Variants in IRAG1 observed in about 807,000 individuals in gnomAD.
The protein encoded by IRAG1 is IP3R-associated cGMP kinase substrate.
A neutral mutation model predicts 106.2 loss-of-function variants in IRAG1; 62 were observed. The ratio of observed to expected loss-of-function variants is 0.58; its 90% CI spans 0.48 to 0.72. The LOEUF is 0.72. IRAG1 is among the 30% of genes least tolerant of loss of function. The pLI, the probability that IRAG1 is intolerant of heterozygous loss-of-function variation, is 0.00. For missense variants in IRAG1, 1,064 were observed against 1,140.7 expected (o/e 0.93, Z 0.97); for synonymous variants, 462 against 443.9 (o/e 1.04, Z -0.51).
intron 14 of IRAG1, among the ~76,000 whole-genome samples, chr11:10,601,428 A>G (rs1278072927): frequency 6.6e-6 from 1 of 152,204 alleles, no homozygotes; most frequent in East Asian, 1.9e-4. Flanking sequence ...AGGGAACTCC[A>G]AGAGGAGTCT....
chr11:10,594,226 C>A (rs1372515504), intron 15 of IRAG1, 31 bp from the exon 16 acceptor site: 1 of 1,597,938 alleles, frequency 6.3e-7, no homozygotes, highest in Non-Finnish European at 8.5e-7. Flanking sequence ...GAAGAGAACA[C>A]AGGTAAGTTT....
At chr11:10,661,396 C>T (rs541379790) in intron 1 of IRAG1, among the ~76,000 whole-genome samples, 3 of 152,290 alleles carry the variant, frequency 2.0e-5, no homozygotes, top group South Asian at 2.1e-4. Flanking sequence ...TTTCCTACTG[C>T]GTCTGTACCA....
chr11:10,680,726 C>T (rs1195550743), intron 1 of IRAG1, among the ~76,000 whole-genome samples: 1 of 152,132 alleles, frequency 6.6e-6, no homozygotes, highest in East Asian at 1.9e-4. Context: ...TTTCATCTTT[C>T]TATGCCTCAG....
chr11:10,650,380 A>C (rs1858375232), intron 2 of IRAG1, among the ~76,000 whole-genome samples: 1 of 152,166 alleles, frequency 6.6e-6, no homozygotes, highest in Non-Finnish European at 1.5e-5. Context: ...ATCTTTGCTG[A>C]TCTTTTATTA....
At chr11:10,622,875 G>GAA (rs1855938907) in intron 10 of IRAG1, among the ~76,000 whole-genome samples, 1 of 42,020 alleles carries the variant, frequency 2.4e-5, no homozygotes, top group Non-Finnish European at 4.9e-5. Context: ...TGTAAGCAGT[G>GAA]GACACACACA....
chr11:10,672,539 A>T (rs1046354012), intron 1 of IRAG1, among the ~76,000 whole-genome samples: 7 of 152,232 alleles, frequency 4.6e-5, no homozygotes, highest in Admixed American at 2.0e-4. Context: ...GTCTCCAAAG[A>T]ATATATGCCA....
At position 10,594,187 on chromosome 11, in the gene IRAG1, C is replaced by T. The variant is rs757740044; in HGVS notation, c.2026G>A (p.Val676Ile). 3.7e-6 allele frequency: 6 copies of T among 1,609,992 alleles called. No homozygotes were observed. The South Asian group carries it at 4.5e-5, about 12-fold the overall frequency. The change falls in exon 16 of 21, where the codon GTC becomes ATC. Residue 676 changes from valine (V) to isoleucine (I), a missense_variant. Physicochemically the swap from Val to Ile is conservative, Grantham distance 29 (BLOSUM62 3). Coordinates refer to ENST00000423302, the MANE Select transcript of IRAG1 (RefSeq NM_130385.4). ...GACATGGACCGTGCCGTGCGAGGGACCCCATCTTCTGCAGCAGGAGGGAGC... is the reference window on the plus strand; with the variant it reads ...GACATGGACCGTGCCGTGCGAGGGATCCCATCTTCTGCAGCAGGAGGGAGC... ...SRSCGPSEDG[V>I]PRTARSMSLT...
intron 1 of IRAG1, among the ~76,000 whole-genome samples, chr11:10,666,724 G>A (rs1380668873): frequency 2.6e-5 from 4 of 152,252 alleles, no homozygotes; most frequent in African/African-American, 4.8e-5. Context: ...AGAAAAGACT[G>A]AGTAAAGAGA....
At chr11:10,601,419 G>A (rs773164804) in intron 14 of IRAG1, among the ~76,000 whole-genome samples, 2 of 152,228 alleles carry the variant, frequency 1.3e-5, no homozygotes, top group African/African-American at 2.4e-5. Context: ...GTTCAGGCCA[G>A]GGAACTCCAA....
intron 1 of IRAG1, among the ~76,000 whole-genome samples, chr11:10,655,430 G>A (rs1191359036): frequency 6.6e-6 from 1 of 152,102 alleles, no homozygotes; most frequent in Non-Finnish European, 1.5e-5. Context: ...CATTCATGTG[G>A]TTTTACTGTT....
In IRAG1 at chr11:10,659,256, G is replaced by A. The variant is rs1026761591; in HGVS notation, c.68-7074C>T. ...GGTATTTGTGCTGTGCTGAACAAGT[G>A]GGTAAGTGAGTGACTGAAGGGGGTA... is the stretch of plus-strand genomic sequence containing the variant. On this transcript the variant is annotated intron_variant, in intron 1 of 20. Transcript: ENST00000423302. The surrounding 1 kb of genome is among the most constrained non-coding windows in gnomAD (Gnocchi z 4.1). Among the ~76,000 whole-genome samples, 1 of 152,206 alleles carries A rather than the reference G, an allele frequency of 6.6e-6. No homozygotes were observed. The highest frequency in any genetic ancestry group is 2.4e-5 in the African/African-American group (1 of 41,450).
intron 14 of IRAG1, among the ~76,000 whole-genome samples, chr11:10,602,212 G>A (rs773392813): frequency 1.1e-4 from 16 of 152,218 alleles, no homozygotes; most frequent in Non-Finnish European, 1.9e-4. Flanking sequence ...CCAGCGACAG[G>A]TCTTTCTTTT....
At chr11:10,651,107 C>A (rs1254179465) in intron 2 of IRAG1, among the ~76,000 whole-genome samples, 2 of 152,184 alleles carry the variant, frequency 1.3e-5, no homozygotes, top group Non-Finnish European at 2.9e-5. Flanking sequence ...CATTTCAATG[C>A]AAATCAACTG....
At chr11:10,615,044 A>T (rs1591611893) in intron 10 of IRAG1, among the ~76,000 whole-genome samples, 1 of 152,252 alleles carries the variant, frequency 6.6e-6, no homozygotes, top group African/African-American at 2.4e-5. Context: ...CATCTGACAA[A>T]GGGCTAATAT....
chr11:10,606,738 T>C lies in IRAG1; in HGVS notation c.1602+4A>G. 1 of 1,594,936 alleles carries C rather than the reference T, an allele frequency of 6.3e-7. No homozygotes were observed. The highest frequency in any genetic ancestry group is 8.5e-7 in the Non-Finnish European group (1 of 1,169,868). On this transcript the variant is annotated splice_donor_region_variant and intron_variant, in intron 12 of 20. Transcript: ENST00000423302. ...AAATTTCATAACACACTTGAGTCAC[T>C]TACCTCAACTTCCTTTTCAGTGAGT...
At position 10,576,582 on chromosome 11, in the gene IRAG1, A is replaced by G. The variant is rs1564885023; in HGVS notation, c.2496-7T>C. On this transcript the variant is annotated splice_region_variant and splice_polypyrimidine_tract_variant and intron_variant, in intron 20 of 20. Coordinates refer to ENST00000423302, the MANE Select transcript of IRAG1 (RefSeq NM_130385.4). ...GACCAATTCTTCAAGTTTGCTGTCA[A>G]TGAAAAAAAATATGCAGAGGCTTTA... The G allele has an allele frequency of 5.0e-6, 8 of 1,613,924 alleles. No individual in the cohort carries two copies. The highest frequency in any genetic ancestry group is 5.9e-6 in the Non-Finnish European group (7 of 1,179,838).
At position 10,611,413 on chromosome 11, in the gene IRAG1, A is replaced by G. The variant is rs566026265; in HGVS notation, c.1448-1562T>C. 3.9e-5 allele frequency among the ~76,000 whole-genome samples: 6 copies of G among 152,298 alleles called. No individual in the cohort carries two copies. The South Asian group carries it at 1.0e-3, about 26-fold the overall frequency. On this transcript the variant is annotated intron_variant, in intron 10 of 20. Transcript: ENST00000423302. ...GTCAACTGAGTAGCAAGCTCCTGAG[A>G]TATCTATAGGATGATCGAAACATAT...
chr11:10,600,783 G>A, intron 15 of IRAG1, 135 bp downstream of exon 15: 1 of 1,187,474 alleles, frequency 8.4e-7, no homozygotes, highest in South Asian at 1.6e-5. Flanking sequence ...GGAGGCCCCT[G>A]TGGGCAGCAC....
At chr11:10,660,493 ACT>A (rs1472698548) in intron 1 of IRAG1, among the ~76,000 whole-genome samples, 4 of 152,128 alleles carry the variant, frequency 2.6e-5, no homozygotes, top group African/African-American at 9.7e-5. Flanking sequence ...ATTGGCAAAC[ACT>A]ATGTACATAT....
Sources: gnomAD v4.1 joint callset for allele counts (sites outside exome capture counted in the v4.1 genomes callset) on GRCh38, gnomAD v4.1.1 for gene constraint, Gnocchi (gnomAD v3.1) non-coding constraint, MANE v1.5 for transcripts, NCBI Gene and HGNC (gene_info 2026-07-23, HGNC 2026-07-21) for gene names.